Variants in ARHGEF4 observed in about 807,000 individuals in gnomAD.
The protein encoded by ARHGEF4 is Rho guanine nucleotide exchange factor 4.
ARHGEF4 carries 119 observed loss-of-function variants against 162.0 expected under a neutral mutation model. The observed-to-expected ratio is 0.73, with a 90% CI of 0.63 to 0.86. The LOEUF (loss-of-function observed/expected upper bound fraction) is 0.86, where lower values mean the gene tolerates loss of function less well. Ranked by LOEUF, ARHGEF4 falls within the 40% of genes least tolerant of loss-of-function variation. The pLI is 0.00. For missense variants in ARHGEF4, 2,488 were observed against 2,456.0 expected, an observed-to-expected ratio of 1.01 and a Z score of -0.28; for synonymous variants, 1,014 against 979.9, an observed-to-expected ratio of 1.03 and a Z score of -0.65.
rs1231457337 is a variant in ARHGEF4, at chr2:131,040,137, A to G, written c.4427A>G (p.Asn1476Ser). The G allele has an allele frequency of 2.5e-6, 4 of 1,613,308 alleles. No homozygotes were observed. The highest frequency in any genetic ancestry group is 2.7e-5 in the African/African-American group (2 of 74,924). Residue 1476 changes from asparagine to serine, a missense_variant, in exon 7 of 14, where the codon AAC (asparagine) becomes AGC (serine). Coordinates refer to ENST00000409359, the MANE Select transcript of ARHGEF4 (RefSeq NM_001367493.1). Reference protein sequence around the residue: ...SKDQMRTNVINEILSTERDYI... With the variant: ...SKDQMRTNVISEILSTERDYI... ...GACCAGATGCGGACCAACGTCATCA[A>G]CGAGATCCTCAGCACTGAGCGGGAC...
chr2:130,967,875 C>A (rs958699843), intron 4 of ARHGEF4, among the ~76,000 whole-genome samples: 1 of 152,184 alleles, frequency 6.6e-6, no homozygotes, highest in Non-Finnish European at 1.5e-5. Context: ...ATACCAGGCA[C>A]CAGCTTCCAG....
Position 130,914,943 on chromosome 2 carries a change from G to T in ARHGEF4, c.997G>T (p.Ala333Ser), listed in dbSNP as rs1681393636. Residue 333 changes from alanine (A) to serine (S), a missense_variant, in exon 2 of 14, where the codon GCA (alanine) becomes TCA (serine). Physicochemically the swap from Ala to Ser is moderately conservative, Grantham distance 99. This residue lies in a region of ARHGEF4 where 1,642 missense variants were observed against 1,481.5 expected (regional missense o/e 1.11). Transcript: ENST00000409359. ...SPRLNCGHMR[A>S]LVRAHSIAGF... ...CAGACTCAACTGTGGGCACATGAGG[G>T]CACTGGTCAGGGCCCATTCCATAGC... The T allele has an allele frequency of 1.9e-6, 3 of 1,546,180 alleles. No homozygotes were observed. The South Asian group carries it at 3.6e-5, about 19-fold the overall frequency.
chr2:131,017,399 A>G (rs1688839730), intron 4 of ARHGEF4, among the ~76,000 whole-genome samples: 2 of 152,192 alleles, frequency 1.3e-5, no homozygotes, highest in South Asian at 2.1e-4. Context: ...AACCCTCAGG[A>G]AACACCTCCT....
Position 131,043,514 on chromosome 2 carries a change from A to G in ARHGEF4, c.5088A>G (p.Thr1696=). 1 of 1,614,066 alleles carries G rather than the reference A, an allele frequency of 6.2e-7. No individual in the cohort carries two copies. The highest frequency in any genetic ancestry group is 8.5e-7 in the Non-Finnish European group (1 of 1,180,002). Residue 1696 remains threonine, a synonymous_variant, in exon 11 of 14, where the codon ACA becomes ACG. Transcript: ENST00000409359. ...LIYSGELTRV[T]QPQAKSQQRM... ...ACTCGGGGGAGCTGACTCGAGTTAC[A>G]CAGCCTCAAGCCAAAAGCCAGCAGC...
At chr2:130,837,125 C>T (rs1227945015) in intron 1 of ARHGEF4, 133 bp downstream of exon 1, 17 of 790,208 alleles carry the variant, frequency 2.2e-5, no homozygotes, top group East Asian at 3.5e-5. Context: ...ACCCTCGTGG[C>T]TCCCCGCCGC....
chr2:131,044,191 G>C (rs1479543219), intron 11 of ARHGEF4, 108 bp from the exon 12 acceptor site: 1 of 1,476,090 alleles, frequency 6.8e-7, no homozygotes, highest in East Asian at 2.4e-5. Context: ...TGGGGAGGTG[G>C]AGGCATCACC....
At chr2:130,845,775 A>G (rs1405743537) in intron 1 of ARHGEF4, among the ~76,000 whole-genome samples, 1 of 152,220 alleles carries the variant, frequency 6.6e-6, no homozygotes, top group Non-Finnish European at 1.5e-5. Context: ...GAGCAGCACT[A>G]GGAGGGAGGG....
At chr2:130,985,789 G>A (rs142328694) in intron 4 of ARHGEF4, among the ~76,000 whole-genome samples, 2 of 151,630 alleles carry the variant, frequency 1.3e-5, no homozygotes, top group African/African-American at 4.9e-5. Flanking sequence ...TATGTGTTTT[G>A]TGTTGTGTGT....
At chr2:131,044,841 T>C (rs1054370062) in intron 12 of ARHGEF4, among the ~76,000 whole-genome samples, 2 of 152,228 alleles carry the variant, frequency 1.3e-5, no homozygotes, top group Non-Finnish European at 2.9e-5. Flanking sequence ...ACACACTCCA[T>C]AGGACGGGGT....
intron 1 of ARHGEF4, among the ~76,000 whole-genome samples, chr2:130,880,154 G>T (rs1443598122): frequency 6.6e-6 from 1 of 152,184 alleles, no homozygotes; most frequent in Non-Finnish European, 1.5e-5. Flanking sequence ...TTTGCCCAGG[G>T]TCACAGCTGG....
intron 4 of ARHGEF4, among the ~76,000 whole-genome samples, chr2:130,952,867 C>T (rs1158162533): frequency 6.6e-6 from 1 of 152,042 alleles, no homozygotes; most frequent in Non-Finnish European, 1.5e-5. Context: ...AGGACCTCTT[C>T]AAGGAGAACT....
At chr2:130,890,391 G>A (rs1679791613) in intron 1 of ARHGEF4, among the ~76,000 whole-genome samples, 1 of 152,112 alleles carries the variant, frequency 6.6e-6, no homozygotes, top group Non-Finnish European at 1.5e-5. Context: ...GTGAAACCAT[G>A]TCTCTACTAA....
At chr2:130,875,642 C>T (rs924117062) in intron 1 of ARHGEF4, among the ~76,000 whole-genome samples, 3 of 152,166 alleles carry the variant, frequency 2.0e-5, no homozygotes, top group Non-Finnish European at 2.9e-5. Flanking sequence ...TTAATCCCCC[C>T]GATGATCAAA....
intron 3 of ARHGEF4, among the ~76,000 whole-genome samples, chr2:130,941,023 A>G (rs1005350770): frequency 2.0e-5 from 3 of 151,920 alleles, no homozygotes; most frequent in Non-Finnish European, 2.9e-5. Flanking sequence ...GCCTTTTATG[A>G]TTTTTAACAT....
chr2:130,926,002 G>A (rs1195273678), intron 2 of ARHGEF4, among the ~76,000 whole-genome samples: 1 of 101,806 alleles, frequency 9.8e-6, no homozygotes, highest in Admixed American at 9.6e-5. Flanking sequence ...TGCTCTATTT[G>A]TTTGGTTTTC....
chr2:130,948,868 G>A (rs563749588), intron 4 of ARHGEF4, among the ~76,000 whole-genome samples: 22 of 152,292 alleles, frequency 1.4e-4, no homozygotes, highest in Non-Finnish European at 2.5e-4. Context: ...AAGGATAATG[G>A]GAGAGACTAG....
intron 4 of ARHGEF4, among the ~76,000 whole-genome samples, chr2:130,992,775 C>A (rs1467108892): frequency 6.6e-6 from 1 of 152,080 alleles, no homozygotes; most frequent in Non-Finnish European, 1.5e-5. Context: ...AAGTATTATT[C>A]AAGAGTGAGG....
At chr2:131,015,608 T>C (rs1688723947) in intron 4 of ARHGEF4, among the ~76,000 whole-genome samples, 1 of 152,168 alleles carries the variant, frequency 6.6e-6, no homozygotes, top group Admixed American at 6.5e-5. Context: ...CAAAAGCTAG[T>C]CTGGGTGCAA....
intron 6 of ARHGEF4, chr2:131,039,525 C>T: frequency 9.7e-7 from 1 of 1,032,858 alleles, no homozygotes; most frequent in Non-Finnish European, 1.2e-6. Context: ...AAAGGCCTGG[C>T]TCAGGGCGTC....
Sources: gnomAD v4.1 joint callset for allele counts (sites outside exome capture counted in the v4.1 genomes callset) on GRCh38, gnomAD v4.1.1 for gene constraint, gnomAD v4.1.1 regional missense constraint, MANE v1.5 for transcripts, NCBI Gene and HGNC (gene_info 2026-07-23, HGNC 2026-07-21) for gene names.